AUH: variants seen among roughly 807,000 people sequenced by gnomAD.
AUH encodes the protein AU RNA binding methylglutaconyl-CoA hydratase.
AUH carries 29 observed loss-of-function variants against 42.3 expected under a neutral mutation model. The ratio of observed to expected loss-of-function variants is 0.69; its 90% CI spans 0.51 to 0.93. The LOEUF (loss-of-function observed/expected upper bound fraction) is 0.93. AUH is among the 40% of genes least tolerant of loss of function. The pLI is 0.00. For missense variants in AUH, 452 were observed against 438.1 expected, an observed-to-expected ratio of 1.03 and a Z score of -0.28; for synonymous variants, 174 against 166.4, an observed-to-expected ratio of 1.05 and a Z score of -0.35.
intron 6 of AUH, among the ~76,000 whole-genome samples, chr9:91,223,839 T>C (rs1827277366): frequency 6.6e-6 from 1 of 152,164 alleles, no homozygotes; most frequent in Non-Finnish European, 1.5e-5. Context: ...AATTGACCCT[T>C]CTGCTGTTAA....
At chr9:91,325,250 G>T in intron 4 of AUH, 68 bp downstream of exon 4, 2 of 1,279,894 alleles carry the variant, frequency 1.6e-6, no homozygotes, top group Non-Finnish European at 2.3e-6. Context: ...TATATAATGT[G>T]TAACTTTTTA....
At chr9:91,237,689 GT>G (rs34912309) in intron 6 of AUH, among the ~76,000 whole-genome samples, 11,080 of 152,162 alleles carry the variant, frequency 0.073, 709 homozygotes, top group East Asian at 0.26. Flanking sequence ...TCTTTGACCA[GT>G]GAGGACTTAG....
At chr9:91,356,924 T>A (rs1832453293) in intron 1 of AUH, among the ~76,000 whole-genome samples, 1 of 152,248 alleles carries the variant, frequency 6.6e-6, no homozygotes, top group African/African-American at 2.4e-5. Flanking sequence ...TTTCACAGTG[T>A]ATCAGAAATA....
chr9:91,265,941 C>T (rs934996006), intron 6 of AUH, among the ~76,000 whole-genome samples: 1 of 152,128 alleles, frequency 6.6e-6, no homozygotes, highest in Non-Finnish European at 1.5e-5. Flanking sequence ...TGTAATTATA[C>T]CTTTTTTTTT....
intron 1 of AUH, among the ~76,000 whole-genome samples, chr9:91,356,896 T>C (rs565411105): frequency 6.6e-6 from 1 of 152,346 alleles, no homozygotes; most frequent in East Asian, 1.9e-4. Flanking sequence ...AACCTTCTTG[T>C]TCTTGGAGTA....
chr9:91,214,316 T>C lies in AUH; in HGVS notation c.*32A>G. On this transcript the variant is annotated 3_prime_UTR_variant, in exon 10 of 10. Transcript: ENST00000375731. ...AAGACACTTCCAGGAAGTACATTTA[T>C]TACATTGGCATCTTAAGAATTTCTG... 6.4e-7 allele frequency: 1 copy of C among 1,556,594 alleles called. No individual in the cohort carries two copies. The highest frequency in any genetic ancestry group is 1.1e-5 in the South Asian group (1 of 87,968).
chr9:91,277,461 T>C (rs1337055743), intron 6 of AUH, among the ~76,000 whole-genome samples: 3 of 151,702 alleles, frequency 2.0e-5, no homozygotes, highest in Admixed American at 6.6e-5. Context: ...GAAGGTTTTA[T>C]GGTAAAACAG....
At chr9:91,340,609 C>T (rs577538162) in intron 3 of AUH, among the ~76,000 whole-genome samples, 10 of 152,330 alleles carry the variant, frequency 6.6e-5, no homozygotes, top group Middle Eastern at 3.4e-3. Flanking sequence ...GACACTATCA[C>T]TGAACAAAAT....
At chr9:91,285,395 C>T (rs528702690) in intron 6 of AUH, among the ~76,000 whole-genome samples, 119 of 151,818 alleles carry the variant, frequency 7.8e-4, no homozygotes, top group African/African-American at 2.7e-3. Context: ...ACCAACATGG[C>T]ACATGTATAC....
chr9:91,219,427 A>C lies in AUH; in HGVS notation c.843+1378T>G, dbSNP rs144277616. Among the ~76,000 whole-genome samples the C allele has an allele frequency of 5.9e-3, 905 of 152,264 alleles. 10 individuals are homozygous for C. The highest frequency in any genetic ancestry group is 9.7e-3 in the Non-Finnish European group (661 of 68,022). On this transcript the variant is annotated intron_variant, in intron 7 of 9. Coordinates refer to ENST00000375731, the MANE Select transcript of AUH (RefSeq NM_001698.3). The stretch of plus-strand genomic sequence containing the variant: ...TAACACCAATATTCAGTCAGATTAT[A>C]CTCTCCTGATACTTGTACCTTTAAT...
intron 6 of AUH, among the ~76,000 whole-genome samples, chr9:91,245,596 A>G (rs974491631): frequency 6.6e-5 from 10 of 152,220 alleles, no homozygotes; most frequent in Admixed American, 5.9e-4. Context: ...CTGAGTAGGA[A>G]GTGCCTGAGT....
chr9:91,219,794 G>A (rs1827029086), intron 7 of AUH, among the ~76,000 whole-genome samples: 1 of 152,212 alleles, frequency 6.6e-6, no homozygotes, highest in Admixed American at 6.5e-5. Flanking sequence ...TGAGTGCCAA[G>A]AACACTTTCT....
chr9:91,236,206 G>C (rs1335519579), intron 6 of AUH, among the ~76,000 whole-genome samples: 1 of 146,512 alleles, frequency 6.8e-6, no homozygotes, highest in Non-Finnish European at 1.5e-5. Context: ...AGATGAGTTA[G>C]CATGATTATT....
At chr9:91,353,034 A>G (rs1478399977) in intron 3 of AUH, among the ~76,000 whole-genome samples, 1 of 152,182 alleles carries the variant, frequency 6.6e-6, no homozygotes, top group African/African-American at 2.4e-5. Flanking sequence ...ATGACTTTCA[A>G]GGGATGGAGA....
chr9:91,263,539 C>T (rs1215707516), intron 6 of AUH, among the ~76,000 whole-genome samples: 2 of 152,156 alleles, frequency 1.3e-5, no homozygotes, highest in African/African-American at 4.8e-5. Flanking sequence ...AACAAAACTT[C>T]ATTATAGGTC....
At chr9:91,243,469 G>A (rs909857812) in intron 6 of AUH, among the ~76,000 whole-genome samples, 2 of 152,194 alleles carry the variant, frequency 1.3e-5, no homozygotes, top group Non-Finnish European at 1.5e-5. Context: ...TGAATTACAC[G>A]GCAAGGCCCG....
At chr9:91,266,538 T>C (rs1034551132) in intron 6 of AUH, among the ~76,000 whole-genome samples, 1 of 152,190 alleles carries the variant, frequency 6.6e-6, no homozygotes, top group Non-Finnish European at 1.5e-5. Context: ...TAATAAACCC[T>C]GAGCAAAGCC....
intron 3 of AUH, among the ~76,000 whole-genome samples, chr9:91,341,493 A>G (rs1366341256): frequency 6.6e-6 from 1 of 152,252 alleles, no homozygotes; most frequent in African/African-American, 2.4e-5. Context: ...CTGGTACCCT[A>G]GATACAACCT....
chr9:91,230,114 A>G (rs1219105846), intron 6 of AUH, among the ~76,000 whole-genome samples: 1 of 151,278 alleles, frequency 6.6e-6, no homozygotes, highest in African/African-American at 2.4e-5. Flanking sequence ...GCCTTGCTAG[A>G]TTGGGGAAAT....
Sources: gnomAD v4.1 joint callset for allele counts (sites outside exome capture counted in the v4.1 genomes callset) on GRCh38, gnomAD v4.1.1 for gene constraint, MANE v1.5 for transcripts, NCBI Gene and HGNC (gene_info 2026-07-23, HGNC 2026-07-21) for gene names.